The following SNRNP25 variants were observed in gnomAD, a reference collection of about 807,000 sequenced individuals.
The protein encoded by SNRNP25 is small nuclear ribonucleoprotein U11/U12 subunit 25.
SNRNP25 carries 21 observed loss-of-function variants against 23.9 expected under a neutral mutation model. The ratio of observed to expected loss-of-function variants is 0.88; its 90% confidence interval spans 0.62 to 1.27. The LOEUF (loss-of-function observed/expected upper bound fraction) is 1.27, where lower values mean the gene tolerates loss of function less well. SNRNP25 is among the 50% of genes most tolerant of loss of function. SNRNP25 has a pLI of 0.00. For missense variants in SNRNP25, 160 were observed against 156.9 expected, an observed-to-expected ratio of 1.02 and a Z score of -0.11; for synonymous variants, 63 against 60.4, an observed-to-expected ratio of 1.04 and a Z score of -0.20.
At position 53,925 on chromosome 16, in the gene SNRNP25, C is replaced by A; in HGVS notation, c.-92C>A. 6.4e-7 allele frequency: 1 copy of A among 1,552,582 alleles called. No individual in the cohort carries two copies. The highest frequency in any genetic ancestry group is 8.7e-7 in the Non-Finnish European group (1 of 1,146,648). On this transcript the variant is annotated 5_prime_UTR_variant, in exon 1 of 5. Coordinates refer to ENST00000293861, the MANE Select transcript of SNRNP25 (RefSeq NM_024571.4). ...GCGGCCCTGGAGGAGACGGAGGCCG[C>A]GGGTGGGCCCGAGGCGCAAGAGGAA... is the stretch of plus-strand genomic sequence containing the variant.
At chr16:54,099 C>CG (rs150776529) in intron 1 of SNRNP25, 41 bp downstream of exon 1, 47,534 of 1,571,084 alleles carry the variant, frequency 0.03, 1,564 homozygotes, top group African/African-American at 0.16. Context: ...AGTCGTTCCC[C>CG]GGGGTCCGGG....
intron 4 of SNRNP25, 105 bp downstream of exon 4, chr16:56,718 C>T (rs1326358440): frequency 1.9e-5 from 24 of 1,273,354 alleles, no homozygotes; most frequent in Non-Finnish European, 2.6e-5. Flanking sequence ...GAGATAACAC[C>T]CTCCTCCAAG....
rs1034350845 is a variant in SNRNP25, at chr16:54,217, T to C, written c.42+159T>C. ...GGGTTTTAACCTTGACCGGGCGCAC[T>C]CGCCTGGGGCGCGAAGCTTAAAGAG... On this transcript the variant is annotated intron_variant, in intron 1 of 4. Transcript: ENST00000293861. Among the ~76,000 whole-genome samples, 4 of 152,206 alleles carry C rather than the reference T, an allele frequency of 2.6e-5. No individual in the cohort carries two copies. The South Asian group carries it at 8.3e-4, about 31-fold the overall frequency.
In SNRNP25 at chr16:55,478, A is replaced by G; in HGVS notation, c.62A>G (p.Asn21Ser). 6.2e-7 allele frequency: 1 copy of G among 1,613,986 alleles called. No individual in the cohort carries two copies. Among genetic ancestry groups the G allele is most frequent in the Non-Finnish European group, 8.5e-7 (1 of 1,180,000 alleles). ...LPIQVTLEEV[N>S]SQIALEYGQA... ...TTGTAGGTTACTCTGGAAGAAGTCA[A>G]CTCCCAAATAGCCCTAGAATACGGC... Residue 21 changes from asparagine (N) to serine (S), a missense_variant, in exon 2 of 5, where the codon AAC becomes AGC. Physicochemically the swap from Asn to Ser is conservative, Grantham distance 46. Transcript: ENST00000293861.
At chr16:56,179 CT>C in intron 3 of SNRNP25, 1 of 644,468 alleles carries the variant, frequency 1.6e-6, no homozygotes. Context: ...TCCAGTGTGT[CT>C]GGAAGTGGCC....
At chr16:54,497 G>A (rs1211758643) in intron 1 of SNRNP25, among the ~76,000 whole-genome samples, 1 of 152,074 alleles carries the variant, frequency 6.6e-6, no homozygotes, top group Non-Finnish European at 1.5e-5. Context: ...CGATCCTCCT[G>A]CCTCGGCCTC....
chr16:55,808 G>C lies in SNRNP25; in HGVS notation c.165G>C (p.Leu55=). ...TTGTAGTGCAGAGTGCCACAGTCCT[G>C]GACCTGAAGAAGGCCATCCAGAGAT... ...PVVVVQSATV[L]DLKKAIQRYV... The change falls in exon 3 of 5, where the codon CTG becomes CTC. Residue 55 remains leucine, a synonymous_variant. Coordinates refer to ENST00000293861, the MANE Select transcript of SNRNP25 (RefSeq NM_024571.4). The C allele has an allele frequency of 6.2e-7, 1 of 1,614,192 alleles. No individual in the cohort carries two copies.
intron 1 of SNRNP25, chr16:55,184 C>T: frequency 2.4e-6 from 1 of 408,602 alleles, no homozygotes; most frequent in Middle Eastern, 7.5e-4. Context: ...CTCTACCCAC[C>T]CCTGGGGGCA....
intron 1 of SNRNP25, among the ~76,000 whole-genome samples, 160 bp downstream of exon 1, chr16:54,218 C>T (rs867337763): frequency 9.9e-5 from 15 of 152,180 alleles, no homozygotes; most frequent in African/African-American, 3.6e-4. Context: ...CGGGCGCACT[C>T]GCCTGGGGCG....
In SNRNP25 at chr16:53,941, G is replaced by C; in HGVS notation, c.-76G>C. ...CGGAGGCCGCGGGTGGGCCCGAGGC[G>C]CAAGAGGAAGATGAGGACGAAGAAG... On this transcript the variant is annotated 5_prime_UTR_variant, in exon 1 of 5. Transcript: ENST00000293861. 1 of 1,576,922 alleles carries C rather than the reference G, an allele frequency of 6.3e-7. No homozygotes were observed. The highest frequency in any genetic ancestry group is 1.3e-5 in the African/African-American group (1 of 74,524).
Position 55,855 on chromosome 16 carries a change from G to T in SNRNP25, c.212G>T (p.Arg71Leu). 1 of 1,614,128 alleles carries T rather than the reference G, an allele frequency of 6.2e-7. No homozygotes were observed. Residue 71 changes from arginine (R) to leucine (L), a missense_variant, in exon 3 of 5, where the codon CGT becomes CTT. Coordinates refer to ENST00000293861, the MANE Select transcript of SNRNP25 (RefSeq NM_024571.4). ...IQRYVQLKQE[R>L]EGGIQHISWS... ...AGATACGTGCAGCTCAAGCAGGAGC[G>T]TGAAGGGGGCATTCAGCACATCAGC...
intron 3 of SNRNP25, 54 bp downstream of exon 3, chr16:55,936 C>A: frequency 6.6e-7 from 1 of 1,505,840 alleles, no homozygotes; most frequent in South Asian, 1.2e-5. Context: ...TAGTGCCCTT[C>A]TTGGCACTGT....
chr16:55,368 C>T, intron 1 of SNRNP25, 91 bp from the exon 2 acceptor site: 3 of 1,152,340 alleles, frequency 2.6e-6, no homozygotes, highest in Non-Finnish European at 3.9e-6. Flanking sequence ...AATGGAGCAC[C>T]ACTTTTTGGC....
At chr16:55,213 T>C in intron 1 of SNRNP25, 1 of 450,138 alleles carries the variant, frequency 2.2e-6, no homozygotes, top group Admixed American at 3.6e-5. Context: ...TGTGAGTTTA[T>C]TCTCTTGCCT....
chr16:56,746 TC>T, intron 4 of SNRNP25, 133 bp downstream of exon 4: 1 of 939,998 alleles, frequency 1.1e-6, no homozygotes. Flanking sequence ...CTTGGGGCCC[TC>T]CCCACTAGGA....
At chr16:55,270 T>A (rs1897391802) in intron 1 of SNRNP25, 189 bp from the exon 2 acceptor site, 1 of 561,816 alleles carries the variant, frequency 1.8e-6, no homozygotes, top group Non-Finnish European at 3.2e-6. Flanking sequence ...ACTATGGACA[T>A]TAAAATGTGA....
In SNRNP25 at chr16:53,905, C is replaced by G; in HGVS notation, c.-112C>G. On this transcript the variant is annotated 5_prime_UTR_variant, in exon 1 of 5. Coordinates refer to ENST00000293861, the MANE Select transcript of SNRNP25 (RefSeq NM_024571.4). ...GCAGAGCCCGGCTGAGAGGGGCGGC[C>G]CTGGAGGAGACGGAGGCCGCGGGTG... The G allele has an allele frequency of 6.6e-7, 1 of 1,522,114 alleles. No individual in the cohort carries two copies. Among genetic ancestry groups the G allele is most frequent in the South Asian group, 1.2e-5 (1 of 83,812 alleles). The allele number at this position is 1,522,114 out of a possible 1,614,324, so 94.3% of individuals were successfully genotyped here.
In SNRNP25 at chr16:57,267, C is replaced by G; in HGVS notation, c.*124C>G. The G allele has an allele frequency of 1.9e-6, 2 of 1,039,068 alleles. No individual in the cohort carries two copies. The highest frequency in any genetic ancestry group is 1.6e-5 in the African/African-American group (1 of 63,174). 64.4% of individuals were successfully genotyped at this position (1,039,068 alleles called of 1,614,324 possible). A position where few individuals can be genotyped will look rare whatever the true frequency, so the allele number is the denominator to read the frequency against. On this transcript the variant is annotated 3_prime_UTR_variant, in exon 5 of 5. Coordinates refer to ENST00000293861, the MANE Select transcript of SNRNP25 (RefSeq NM_024571.4). ...TTGTGGTGGCCTCACCCCAGGCATG[C>G]CCAACAGTAACTGTCAGCATAAACC...
At chr16:55,687 C>T in intron 2 of SNRNP25, 90 bp from the exon 3 acceptor site, 1 of 1,542,576 alleles carries the variant, frequency 6.5e-7, no homozygotes, top group East Asian at 2.3e-5. Context: ...CTGCCCTGTG[C>T]ACAGAGGTGT....
Sources: allele counts gnomAD v4.1 joint callset (sites outside exome capture counted in the v4.1 genomes callset), GRCh38; gene constraint gnomAD v4.1.1; transcripts MANE v1.5; gene names NCBI Gene and HGNC (gene_info 2026-07-23, HGNC 2026-07-21).